Variants in SEMA4B observed in about 807,000 individuals in gnomAD.
SEMA4B encodes semaphorin 4B.
A neutral mutation model predicts 88.1 loss-of-function variants in SEMA4B; 55 were observed. That is an observed-to-expected ratio of 0.62 (90% CI 0.50 to 0.78). SEMA4B has a LOEUF of 0.78. Among genes scored for constraint, SEMA4B ranks in the 30% least tolerant of loss-of-function variants. SEMA4B has a pLI of 0.00. For missense variants in SEMA4B, 1,062 were observed against 1,111.9 expected (o/e 0.96, Z 0.64); for synonymous variants, 525 against 473.6 (o/e 1.11, Z -1.41).
At position 90,225,737 on chromosome 15, in the gene SEMA4B, G is replaced by C. The variant is rs1454620881; in HGVS notation, c.1598G>C (p.Gly533Ala). The part of the protein sequence containing the change: ...MANCSLYRSC[G>A]DCLLARDPYC... Reference sequence around the variant, plus strand: ...AACTGCAGCCTGTACAGGAGCTGTGGGGACTGCCTCCTCGCCCGGGACCCC... The same window carrying C: ...AACTGCAGCCTGTACAGGAGCTGTGCGGACTGCCTCCTCGCCCGGGACCCC... The change falls in exon 12 of 14, where the codon GGG (glycine) becomes GCG (alanine). Residue 533 changes from glycine to alanine, a missense_variant. Transcript: ENST00000411539. 5 of 1,574,642 alleles carry C rather than the reference G, an allele frequency of 3.2e-6. No homozygotes were observed. The highest frequency in any genetic ancestry group is 4.3e-6 in the Non-Finnish European group (5 of 1,161,312).
chr15:90,209,847 C>G (rs558803205), intron 1 of SEMA4B, among the ~76,000 whole-genome samples: 2 of 152,158 alleles, frequency 1.3e-5, no homozygotes, highest in South Asian at 4.1e-4. Flanking sequence ...GAATTGGGCC[C>G]TTGAGTTGCA....
intron 1 of SEMA4B, chr15:90,191,777 T>C (rs1960350811): frequency 6.6e-6 from 1 of 152,114 alleles, no homozygotes; most frequent in Non-Finnish European, 1.5e-5. Flanking sequence ...TGCCAGTGAG[T>C]TTTGAAGGCA....
rs1962054351 is a variant in SEMA4B, at chr15:90,224,817, TG to T, written c.1195-150del. The T allele has an allele frequency of 7.3e-6, 5 of 681,694 alleles. No individual in the cohort carries two copies. The South Asian group carries it at 8.4e-5, about 11-fold the overall frequency. The allele number at this position is 681,694 out of a possible 1,614,324, so 42.2% of individuals were successfully genotyped here. A position where few individuals can be genotyped will look rare whatever the true frequency, so the allele number is the denominator to read the frequency against. On this transcript the variant is annotated intron_variant, in intron 9 of 13. Transcript: ENST00000411539. ...GGCTTTGTCCTTGCTCCCTCAGATG[TG>T]CACACTGGCTCTGTAGAGCACTGCC...
intron 1 of SEMA4B, among the ~76,000 whole-genome samples, chr15:90,187,673 C>T (rs750751144): frequency 3.3e-5 from 5 of 152,134 alleles, no homozygotes; most frequent in Non-Finnish European, 5.9e-5. Context: ...GTGGCCACTA[C>T]CTTTGTTGGA....
At chr15:90,214,941 G>C (rs1295223154) in intron 1 of SEMA4B, 2 of 1,268,824 alleles carry the variant, frequency 1.6e-6, no homozygotes, top group South Asian at 1.3e-5. Context: ...AACCAGGCTG[G>C]GGGTATGTAA....
chr15:90,201,002 G>A (rs938075528), upstream of SEMA4B, among the ~76,000 whole-genome samples: 2 of 152,150 alleles, frequency 1.3e-5, no homozygotes, highest in African/African-American at 4.8e-5. Context: ...ATCACCATCC[G>A]CCCCCTAACT....
At chr15:90,214,482 A>G (rs903660434) in intron 1 of SEMA4B, among the ~76,000 whole-genome samples, 1 of 151,488 alleles carries the variant, frequency 6.6e-6, no homozygotes, top group African/African-American at 2.4e-5. Context: ...TACTAAAAAT[A>G]CTTTGCCGGG....
chr15:90,227,697 A>G, intron 13 of SEMA4B, 55 bp downstream of exon 13: 1 of 1,561,610 alleles, frequency 6.4e-7, no homozygotes, highest in Non-Finnish European at 8.8e-7. Context: ...TGTGCTTGGA[A>G]GGCTCCCCCA....
At chr15:90,210,526 C>T (rs993941793) in intron 1 of SEMA4B, among the ~76,000 whole-genome samples, 7 of 152,134 alleles carry the variant, frequency 4.6e-5, no homozygotes, top group African/African-American at 1.2e-4. Flanking sequence ...CAGGGTCGGG[C>T]GGCATCCCCA....
chr15:90,215,222 CTT>C (rs35502396), intron 1 of SEMA4B, among the ~76,000 whole-genome samples: 1 of 147,348 alleles, frequency 6.8e-6, no homozygotes, highest in African/African-American at 2.5e-5. Flanking sequence ...GTGTGTGTTT[CTT>C]TTTTTTTTTC....
rs543060443 is a variant in SEMA4B, at chr15:90,226,856, T to C, written c.1689-701T>C. Among the ~76,000 whole-genome samples, 182 of 152,270 alleles carry C rather than the reference T, an allele frequency of 1.2e-3. 1 individual carries two copies. Among genetic ancestry groups the C allele is most frequent in the African/African-American group, 4.3e-3 (178 of 41,562 alleles). On this transcript the variant is annotated intron_variant, in intron 12 of 13. Coordinates refer to ENST00000411539, the MANE Select transcript of SEMA4B (RefSeq NM_198925.4). ...TCATCCTTCGTGCCTGGTTGACTTA[T>C]CTGTCTCCTGAGTGTATCCAGAATT...
chr15:90,221,648 G>A lies in SEMA4B; in HGVS notation c.744G>A (p.Glu248=), dbSNP rs775802318. The change falls in exon 7 of 14, where the codon GAG becomes GAA. Residue 248 remains glutamate (E), a synonymous_variant. Transcript: ENST00000411539. ...PAFVASAYIP[E]SLGSLQGDDD... is the part of the protein sequence containing the mutation. The stretch of plus-strand genomic sequence containing the variant: ...TTGTGGCCTCAGCCTACATTCCTGA[G>A]AGCCTGGGCAGCTTGCAAGGCGATG... 1 of 1,614,018 alleles carries A rather than the reference G, an allele frequency of 6.2e-7. No homozygotes were observed. Among genetic ancestry groups the A allele is most frequent in the South Asian group, 1.1e-5 (1 of 91,082 alleles).
chr15:90,206,848 A>G lies in SEMA4B; in HGVS notation c.157+5113A>G, dbSNP rs1014227236. 1.1e-4 allele frequency: 79 copies of G among 719,954 alleles called. No homozygotes were observed. In the African/African-American group the frequency reaches 1.3e-3, roughly 12 times the overall value. 44.6% of individuals were successfully genotyped at this position (719,954 alleles called of 1,614,324 possible). A position where few individuals can be genotyped will look rare whatever the true frequency, so the allele number is the denominator to read the frequency against. ...GGGGGAATGGGTAGGTCTCTGTCAA[A>G]TTGACAGAGAGGGGAAACCCCGTAA... On this transcript the variant is annotated intron_variant, in intron 1 of 13. Transcript: ENST00000411539.
intron 1 of SEMA4B, among the ~76,000 whole-genome samples, chr15:90,209,276 C>T (rs1041542236): frequency 7.9e-5 from 12 of 152,104 alleles, no homozygotes; most frequent in African/African-American, 2.9e-4. Flanking sequence ...AAAGACCGGG[C>T]GCGGTGGCTC....
rs1372926555 is a variant in SEMA4B, at chr15:90,217,761, C to A, written c.322-6C>A. The A allele has an allele frequency of 1.9e-6, 3 of 1,613,228 alleles. No homozygotes were observed. The highest frequency in any genetic ancestry group is 4.5e-5 in the East Asian group (2 of 44,860). ...GTCCACTACCTTCCCCTTTCTCATTCCCCAGCTGCTTTGGGGTGCAGACGC... is the reference window on the plus strand; with the variant it reads ...GTCCACTACCTTCCCCTTTCTCATTACCCAGCTGCTTTGGGGTGCAGACGC... On this transcript the variant is annotated splice_polypyrimidine_tract_variant and splice_region_variant and intron_variant, in intron 2 of 13. Coordinates refer to ENST00000411539, the MANE Select transcript of SEMA4B (RefSeq NM_198925.4).
In SEMA4B at chr15:90,228,186, G is replaced by T. The variant is rs753906170; in HGVS notation, c.2057G>T (p.Gly686Val). ...EDGVADQTDE[G>V]GSVPVIISTS... ...GGGGTGGCAGACCAAACAGATGAGG[G>T]TGGCAGTGTACCCGTCATTATCAGC... The change falls in exon 14 of 14, where the codon GGT (glycine) becomes GTT (valine). Residue 686 changes from glycine (G) to valine (V), a missense_variant. Physicochemically the swap from Gly to Val is moderately radical, Grantham distance 109 (BLOSUM62 -3). Transcript: ENST00000411539. 4 of 1,610,520 alleles carry T rather than the reference G, an allele frequency of 2.5e-6. No individual in the cohort carries two copies. In the Middle Eastern group the frequency reaches 5.0e-4, roughly 200 times the overall value.
In SEMA4B at chr15:90,187,937, G is replaced by A. The variant is rs1222912161; in HGVS notation, c.-122+2856G>A. Among the ~76,000 whole-genome samples the A allele has an allele frequency of 2.6e-5, 4 of 151,556 alleles. No homozygotes were observed. In the South Asian group the frequency reaches 6.3e-4, roughly 24 times the overall value. On this transcript the variant is annotated intron_variant, in intron 1 of 14. Transcript: ENST00000332496. Reference sequence around the variant, plus strand: ...AGAGAATCGCTTGAACCCAGGAGGCGGAGGTTGCAGTGAGCTGAGATCATG... The same window carrying A: ...AGAGAATCGCTTGAACCCAGGAGGCAGAGGTTGCAGTGAGCTGAGATCATG...
rs879759193 is a variant in SEMA4B, at chr15:90,212,162, C to T, written c.158-5277C>T. On this transcript the variant is annotated intron_variant, in intron 1 of 13. Coordinates refer to ENST00000411539, the MANE Select transcript of SEMA4B (RefSeq NM_198925.4). This position sits in a 1 kb window ranked among gnomAD's most constrained non-coding sequence, Gnocchi z 4.0. The stretch of plus-strand genomic sequence containing the variant: ...TCAGAACCCCACTTCCTACTCAGAA[C>T]CCCACTTCCTGGGGTGGGGAGTGGG... Among the ~76,000 whole-genome samples the T allele has an allele frequency of 1.2e-5, 1 of 86,220 alleles. No homozygotes were observed. The highest frequency in any genetic ancestry group is 2.3e-5 in the Non-Finnish European group (1 of 44,424). The allele number at this position is 86,220 out of a possible 152,430, so 56.6% of individuals were successfully genotyped here.
At chr15:90,215,903 G>A (rs1961512373) in intron 1 of SEMA4B, among the ~76,000 whole-genome samples, 1 of 152,074 alleles carries the variant, frequency 6.6e-6, no homozygotes, top group African/African-American at 2.4e-5. Context: ...AAAAACGTCT[G>A]TCCTCCCTCA....
Sources: gnomAD v4.1 joint callset for allele counts (sites outside exome capture counted in the v4.1 genomes callset) on GRCh38, gnomAD v4.1.1 for gene constraint, Gnocchi (gnomAD v3.1) non-coding constraint, MANE v1.5 for transcripts, NCBI Gene and HGNC (gene_info 2026-07-23, HGNC 2026-07-21) for gene names.